TENM4: variants seen among roughly 807,000 people sequenced by gnomAD.
TENM4 encodes the protein teneurin-4.
TENM4 carries 82 observed loss-of-function variants against 243.3 expected under a neutral mutation model. The ratio of observed to expected loss-of-function variants is 0.34; its 90% CI spans 0.28 to 0.40. The LOEUF (loss-of-function observed/expected upper bound fraction) is 0.40, where lower values mean the gene tolerates loss of function less well. TENM4 is among the 10% of genes least tolerant of loss of function. TENM4 has a pLI of 1.00. For missense variants in TENM4, 3,138 were observed against 3,673.3 expected, an observed-to-expected ratio of 0.85 and a Z score of 3.77; for synonymous variants, 1,412 against 1,456.3, an observed-to-expected ratio of 0.97 and a Z score of 0.69.
intron 4 of TENM4, among the ~76,000 whole-genome samples, chr11:79,091,922 T>C (rs1442975344): frequency 1.3e-5 from 2 of 152,122 alleles, no homozygotes; most frequent in Non-Finnish European, 2.9e-5. Context: ...CCTTCCTAAC[T>C]TGGGAGTCAC....
At chr11:78,908,102 C>G (rs899032523) in intron 6 of TENM4, among the ~76,000 whole-genome samples, 1 of 152,178 alleles carries the variant, frequency 6.6e-6, no homozygotes, top group Non-Finnish European at 1.5e-5. Flanking sequence ...AACCTCCTGG[C>G]TGCACCTCCC....
At chr11:79,216,195 T>G (rs1244155087) in intron 2 of TENM4, among the ~76,000 whole-genome samples, 1 of 152,194 alleles carries the variant, frequency 6.6e-6, no homozygotes, top group Admixed American at 6.5e-5. Flanking sequence ...TTAAAATAAT[T>G]GTTTACACAC....
chr11:78,862,993 G>A lies in TENM4; in HGVS notation c.1224C>T (p.Thr408=). ...LYPSGGTGLE[T]PDRKGKGTTE... is the part of the protein sequence containing the mutation. The stretch of plus-strand genomic sequence containing the variant: ...TGGTTCCTTTGCCTTTCCTGTCAGG[G>A]GTCTCTAAGCCAGTGCCCCCTGAGG... Residue 408 remains threonine, a synonymous_variant, in exon 10 of 34, where the codon ACC becomes ACT. Coordinates refer to ENST00000278550, the MANE Select transcript of TENM4 (RefSeq NM_001098816.3). The A allele has an allele frequency of 6.7e-7, 1 of 1,491,040 alleles. No homozygotes were observed. The highest frequency in any genetic ancestry group is 9.1e-7 in the Non-Finnish European group (1 of 1,103,834). The allele number at this position is 1,491,040 out of a possible 1,614,324, so 92.4% of individuals were successfully genotyped here. A position where few individuals can be genotyped will look rare whatever the true frequency, so the allele number is the denominator to read the frequency against.
intron 12 of TENM4, among the ~76,000 whole-genome samples, chr11:78,836,599 G>A (rs1858122114): frequency 6.6e-6 from 1 of 152,164 alleles, no homozygotes; most frequent in Non-Finnish European, 1.5e-5. Flanking sequence ...TGTCTGTTTT[G>A]GGGATGCGGA....
chr11:79,290,018 ACTC>A (rs1856327509), intron 2 of TENM4, among the ~76,000 whole-genome samples: 2 of 149,964 alleles, frequency 1.3e-5, no homozygotes, highest in African/African-American at 4.9e-5. Context: ...CGGGTCTTGA[ACTC>A]CTGACCTCAG....
At chr11:79,223,858 C>T (rs1333221513) in intron 2 of TENM4, among the ~76,000 whole-genome samples, 1 of 152,170 alleles carries the variant, frequency 6.6e-6, no homozygotes. Context: ...TTGTGACAGT[C>T]ATAGGTGCTG....
intron 2 of TENM4, among the ~76,000 whole-genome samples, chr11:79,285,915 G>C (rs942402730): frequency 6.6e-6 from 1 of 152,078 alleles, no homozygotes; most frequent in Non-Finnish European, 1.5e-5. Context: ...ATGAGCAAAG[G>C]GTTTCTTTTT....
intron 12 of TENM4, among the ~76,000 whole-genome samples, chr11:78,831,010 T>C (rs1050332441): frequency 1.3e-5 from 2 of 152,236 alleles, no homozygotes; most frequent in Non-Finnish European, 2.9e-5. Context: ...AACTCATACA[T>C]TATTTCATAA....
intron 28 of TENM4, among the ~76,000 whole-genome samples, chr11:78,699,554 A>G (rs1279907042): frequency 6.6e-6 from 1 of 152,252 alleles, no homozygotes; most frequent in Non-Finnish European, 1.5e-5. Context: ...TAGGACTTTT[A>G]TCTACCACTT....
intron 6 of TENM4, among the ~76,000 whole-genome samples, chr11:78,904,457 G>C (rs1329586081): frequency 6.6e-6 from 1 of 151,882 alleles, no homozygotes; most frequent in Non-Finnish European, 1.5e-5. Flanking sequence ...GTGTATGTAA[G>C]GGCAGTGGTG....
intron 6 of TENM4, among the ~76,000 whole-genome samples, chr11:79,039,106 G>T (rs1859456203): frequency 6.6e-6 from 1 of 152,212 alleles, no homozygotes; most frequent in African/African-American, 2.4e-5. Flanking sequence ...GGAACTTGGG[G>T]CCCCATTCTT....
At chr11:79,249,880 A>G (rs1165886875) in intron 2 of TENM4, among the ~76,000 whole-genome samples, 1 of 152,260 alleles carries the variant, frequency 6.6e-6, no homozygotes, top group Admixed American at 6.5e-5. Context: ...ATAGGAGCTG[A>G]ACAGGCAATT....
At chr11:79,400,686 G>A (rs184578679) in intron 1 of TENM4, among the ~76,000 whole-genome samples, 11 of 152,330 alleles carry the variant, frequency 7.2e-5, no homozygotes, top group Admixed American at 6.5e-4. Flanking sequence ...TCACAGAGCT[G>A]CTGTGAGGGC....
intron 3 of TENM4, among the ~76,000 whole-genome samples, chr11:79,205,288 T>C (rs1220444511): frequency 6.6e-6 from 1 of 152,188 alleles, no homozygotes; most frequent in African/African-American, 2.4e-5. Flanking sequence ...AGCCAAGATA[T>C]GGATATAGAT....
At chr11:79,432,394 C>T (rs144684841) in intron 1 of TENM4, among the ~76,000 whole-genome samples, 57 of 152,284 alleles carry the variant, frequency 3.7e-4, no homozygotes, top group African/African-American at 9.6e-4. Context: ...ATTAATAAAA[C>T]GTTTAAATGA....
chr11:79,174,397 AT>A (rs1186036182), intron 3 of TENM4, among the ~76,000 whole-genome samples: 1 of 151,134 alleles, frequency 6.6e-6, no homozygotes, highest in East Asian at 1.9e-4. Flanking sequence ...ACTATCTTTA[AT>A]TTTTTTTTCT....
intron 1 of TENM4, among the ~76,000 whole-genome samples, chr11:79,312,626 C>T (rs546274990): frequency 1.3e-5 from 2 of 152,120 alleles, no homozygotes; most frequent in African/African-American, 4.8e-5. Flanking sequence ...AACCACTGAG[C>T]AATAAATACC....
chr11:78,826,222 G>A (rs1857846990), intron 12 of TENM4, among the ~76,000 whole-genome samples: 1 of 151,668 alleles, frequency 6.6e-6, no homozygotes, highest in Middle Eastern at 3.2e-3. Flanking sequence ...CAAGTAGCTG[G>A]GATTACAGGC....
chr11:78,812,248 A>G lies in TENM4; in HGVS notation c.1852T>C (p.Trp618Arg), dbSNP rs1317902498. The G allele has an allele frequency of 1.3e-6, 2 of 1,551,972 alleles. No homozygotes were observed. The highest frequency in any genetic ancestry group is 3.9e-5 in the Admixed American group (2 of 51,004). The stretch of plus-strand genomic sequence containing the variant: ...GGCACATCGCACTCAGCGCCTTTCC[A>G]GCCACTGTGGCACAAGCATCTGCCT... The part of the protein sequence containing the change: ...MKGRCLCHSG[W>R]KGAECDVPTN... The change falls in exon 14 of 34, where the codon TGG (tryptophan) becomes CGG (arginine). Residue 618 changes from tryptophan (W) to arginine (R), a missense_variant. Around this residue, in one of 2 missense-constraint regions of TENM4, gnomAD observed 2,467 missense variants for 3,059.1 expected, o/e 0.81. Transcript: ENST00000278550.
Sources: allele counts gnomAD v4.1 joint callset (sites outside exome capture counted in the v4.1 genomes callset), GRCh38; gene constraint gnomAD v4.1.1; regional missense constraint gnomAD v4.1.1; transcripts MANE v1.5; gene names NCBI Gene and HGNC (gene_info 2026-07-23, HGNC 2026-07-21).